Variants in BAALC observed in about 807,000 individuals in gnomAD.
BAALC encodes the protein BAALC binder of MAP3K1 and KLF4, also known as brain and acute leukemia cytoplasmic protein.
BAALC carries 9 observed loss-of-function variants against 15.5 expected under a neutral mutation model. The ratio of observed to expected loss-of-function variants is 0.58; its 90% CI spans 0.35 to 1.02. The LOEUF is 1.02. BAALC is among the 50% of genes least tolerant of loss of function. The probability of loss-of-function intolerance (pLI) is 0.02; values close to 1 mark genes in which losing one functional copy is unlikely to be tolerated. For synonymous variants in BAALC, 80 were observed against 74.6 expected (o/e 1.07, Z -0.37); for missense variants, 201 against 192.4 (o/e 1.04, Z -0.27).
intron 1 of BAALC, among the ~76,000 whole-genome samples, chr8:103,190,768 G>A (rs1811948372): frequency 6.6e-6 from 1 of 152,162 alleles, no homozygotes; most frequent in Non-Finnish European, 1.5e-5. Context: ...GTGTCTGCAG[G>A]GTGAAGATGG....
rs564722412 is a variant in BAALC at position 103,197,795 on chromosome 8, G to A, written c.161-15124G>A. Among the ~76,000 whole-genome samples the A allele has an allele frequency of 3.9e-5, 6 of 152,116 alleles. No homozygotes were observed. The South Asian group carries it at 8.3e-4, about 21-fold the overall frequency. The stretch of plus-strand genomic sequence containing the variant: ...ACACACTTTTAAACAGCCAGATGTC[G>A]CATGAACTCATTCATCATCAAAGGG... On this transcript the variant is annotated intron_variant, in intron 1 of 2. Coordinates refer to ENST00000309982, the MANE Select transcript of BAALC (RefSeq NM_024812.3).
chr8:103,213,040 C>A lies in BAALC; in HGVS notation c.282C>A (p.Ser94Arg), dbSNP rs760686037. 1 of 1,614,166 alleles carries A rather than the reference C, an allele frequency of 6.2e-7. No individual in the cohort carries two copies. Among genetic ancestry groups the A allele is most frequent in the Non-Finnish European group, 8.5e-7 (1 of 1,180,004 alleles). ...ETQCPNPQSL[S>R]SGPLTQKQNG... ...AGTGCCCAAATCCCCAGAGCCTCAG[C>A]TCAGGCCCTCTGACCCAGAAACAGA... The change falls in exon 2 of 3, where the codon AGC becomes AGA. Residue 94 changes from serine to arginine, a missense_variant. Ser to Arg is a moderately radical substitution (Grantham distance 110, BLOSUM62 -1). Transcript: ENST00000309982.
chr8:103,173,276 G>A (rs1315115798), intron 1 of BAALC, among the ~76,000 whole-genome samples: 2 of 152,174 alleles, frequency 1.3e-5, no homozygotes, highest in East Asian at 1.9e-4. Context: ...TCCTGCACGG[G>A]TGATGATTCA....
intron 1 of BAALC, among the ~76,000 whole-genome samples, chr8:103,167,472 A>G (rs553432281): frequency 2.0e-5 from 3 of 152,376 alleles, no homozygotes; most frequent in South Asian, 4.1e-4. Flanking sequence ...TTAAATTAGC[A>G]TAGCCCAGTA....
intron 1 of BAALC, among the ~76,000 whole-genome samples, chr8:103,169,729 A>G (rs891669258): frequency 1.3e-5 from 2 of 152,224 alleles, no homozygotes; most frequent in African/African-American, 2.4e-5. Context: ...TTTCAGCACA[A>G]TAGCCCCGAC....
chr8:103,140,957 C>T lies in BAALC; in HGVS notation c.60C>T (p.Thr20=). The T allele has an allele frequency of 1.9e-6, 3 of 1,541,662 alleles. No individual in the cohort carries two copies. The highest frequency in any genetic ancestry group is 2.6e-6 in the Non-Finnish European group (3 of 1,145,092). The part of the protein sequence containing the change: ...AIEPRYYESW[T]RETESTWLTY... ...AGCCCCGCTACTACGAGAGCTGGAC[C>T]CGGGAGACAGAATCCACCTGGCTCA... Residue 20 remains threonine, a synonymous_variant, in exon 1 of 3, where the codon ACC becomes ACT. Transcript: ENST00000309982. The surrounding 1 kb of genome is among the most constrained non-coding windows in gnomAD (Gnocchi z 4.2).
In BAALC at chr8:103,225,411, A is replaced by C. The variant is rs550529003; in HGVS notation, c.328-2578A>C. ...CACCCATAAAGTATGATCTTTGGTT[A>C]GGTTCCCTAAACGCAGAACCTGAGA... On this transcript the variant is annotated intron_variant, in intron 2 of 2. Coordinates refer to ENST00000309982, the MANE Select transcript of BAALC (RefSeq NM_024812.3). Among the ~76,000 whole-genome samples the C allele has an allele frequency of 2.0e-5, 3 of 152,370 alleles. No homozygotes were observed. The East Asian group carries it at 5.8e-4, about 29-fold the overall frequency.
At chr8:103,145,467 G>A (rs1311782308) in intron 1 of BAALC, among the ~76,000 whole-genome samples, 2 of 152,172 alleles carry the variant, frequency 1.3e-5, no homozygotes, top group Admixed American at 1.3e-4. Flanking sequence ...GTTTGTCAAA[G>A]TCCCTCTTGA....
In BAALC at chr8:103,201,963, T is replaced by A. The variant is rs149844538; in HGVS notation, c.161-10956T>A. On this transcript the variant is annotated intron_variant, in intron 1 of 2. Coordinates refer to ENST00000309982, the MANE Select transcript of BAALC (RefSeq NM_024812.3). The stretch of plus-strand genomic sequence containing the variant: ...TGGAAAATGGAATCGTATTGTATAG[T>A]CTCAATTTTTAGAATCTATACATGT... Among the ~76,000 whole-genome samples the A allele has an allele frequency of 1.5e-3, 236 of 152,286 alleles. 1 individual carries two copies. Among genetic ancestry groups the A allele is most frequent in the African/African-American group, 5.3e-3 (221 of 41,574 alleles).
chr8:103,177,907 T>C (rs534109689), intron 1 of BAALC, among the ~76,000 whole-genome samples: 1 of 152,362 alleles, frequency 6.6e-6, no homozygotes, highest in East Asian at 1.9e-4. Context: ...TTCCTTAAAA[T>C]CAGAGCTATT....
chr8:103,209,813 T>A (rs1812412558), intron 1 of BAALC, among the ~76,000 whole-genome samples: 1 of 152,238 alleles, frequency 6.6e-6, no homozygotes, highest in African/African-American at 2.4e-5. Flanking sequence ...GTTCTGGCAA[T>A]GTCAAATTGC....
At chr8:103,155,533 T>C (rs147098512) in intron 1 of BAALC, among the ~76,000 whole-genome samples, 43 of 152,306 alleles carry the variant, frequency 2.8e-4, no homozygotes, top group Non-Finnish European at 5.3e-4. Context: ...CCCTAGCAAG[T>C]AGGTGTGACC....
intron 1 of BAALC, chr8:103,156,938 G>A (rs561942508): frequency 2.0e-5 from 3 of 152,276 alleles, no homozygotes; most frequent in Non-Finnish European, 2.9e-5. Flanking sequence ...TCGTTAACAC[G>A]GGGACCCAGA....
At chr8:103,208,163 G>A (rs1050389655) in intron 1 of BAALC, 7 of 152,270 alleles carry the variant, frequency 4.6e-5, no homozygotes, top group Admixed American at 2.0e-4. Context: ...GGCAAGAGGC[G>A]GGGATAGGCT....
chr8:103,199,952 TC>T (rs1812177557), intron 1 of BAALC, among the ~76,000 whole-genome samples: 1 of 152,206 alleles, frequency 6.6e-6, no homozygotes, highest in Non-Finnish European at 1.5e-5. Flanking sequence ...AATAATGGCC[TC>T]CATCTCCATC....
At position 103,229,812 on chromosome 8, in the gene BAALC, CT is replaced by C. The variant is rs1374678505; in HGVS notation, c.*1717del. 5.9e-5 allele frequency: 9 copies of C among 152,158 alleles called. No homozygotes were observed. Among genetic ancestry groups the C allele is most frequent in the Non-Finnish European group, 1.2e-4 (8 of 68,040 alleles). 9.4% of individuals were successfully genotyped at this position (152,158 alleles called of 1,614,324 possible). On this transcript the variant is annotated 3_prime_UTR_variant, in exon 3 of 3. Transcript: ENST00000309982. Reference sequence around the variant, plus strand: ...CATTTTGTGATTCTTTGAGAAAGGGCTTTTAGGAACTTTATGTTCTAAAAAA... The same window carrying C: ...CATTTTGTGATTCTTTGAGAAAGGGCTTTAGGAACTTTATGTTCTAAAAAA...
chr8:103,191,956 G>C (rs1811977364), intron 1 of BAALC, among the ~76,000 whole-genome samples: 1 of 152,108 alleles, frequency 6.6e-6, no homozygotes, highest in African/African-American at 2.4e-5. Context: ...TGGAGTTTTT[G>C]TTTTATACTT....
chr8:103,218,155 C>T (rs1358253620), intron 2 of BAALC, among the ~76,000 whole-genome samples: 3 of 152,166 alleles, frequency 2.0e-5, no homozygotes, highest in African/African-American at 7.2e-5. Context: ...CCCTTCTCCA[C>T]TTCATGTCCC....
At chr8:103,142,002 T>C (rs1434953081) in intron 1 of BAALC, among the ~76,000 whole-genome samples, 1 of 152,250 alleles carries the variant, frequency 6.6e-6, no homozygotes, top group Non-Finnish European at 1.5e-5. Context: ...ATCTCACTAC[T>C]TATTACATGG....
Sources: gnomAD v4.1 joint callset for allele counts (sites outside exome capture counted in the v4.1 genomes callset) on GRCh38, gnomAD v4.1.1 for gene constraint, Gnocchi (gnomAD v3.1) non-coding constraint, MANE v1.5 for transcripts, NCBI Gene and HGNC (gene_info 2026-07-23, HGNC 2026-07-21) for gene names.